Variants in DIPK2A observed in about 807,000 individuals in gnomAD.
DIPK2A encodes the protein divergent protein kinase domain 2A.
DIPK2A carries 27 observed loss-of-function variants against 39.0 expected under a neutral mutation model. The observed-to-expected ratio is 0.69, with a 90% CI of 0.51 to 0.96. The LOEUF (loss-of-function observed/expected upper bound fraction) is 0.96. DIPK2A is among the 40% of genes least tolerant of loss of function. The pLI is 0.00. For missense variants in DIPK2A, 528 were observed against 571.3 expected (o/e 0.92, Z 0.77); for synonymous variants, 298 against 240.8 (o/e 1.24, Z -2.20).
Position 143,991,697 on chromosome 3 carries a change from T to C in DIPK2A, c.*1856T>C, listed in dbSNP as rs909944304. The C allele has an allele frequency of 6.6e-6, 1 of 152,548 alleles. No individual in the cohort carries two copies. Among genetic ancestry groups the C allele is most frequent in the Non-Finnish European group, 1.5e-5 (1 of 68,014 alleles). The allele number at this position is 152,548 out of a possible 1,614,324, so 9.4% of individuals were successfully genotyped here. On this transcript the variant is annotated 3_prime_UTR_variant, in exon 3 of 3. Coordinates refer to ENST00000315691, the MANE Select transcript of DIPK2A (RefSeq NM_173552.5). ...GTGCTTGGAATTTTACTAAACTGACTTTTTTGCAACTTTGGGAGATTTTTG... is the reference window on the plus strand; with the variant it reads ...GTGCTTGGAATTTTACTAAACTGACCTTTTTGCAACTTTGGGAGATTTTTG...
rs2087648594 is a variant in DIPK2A, at chr3:143,971,854, G to C, written c.-479G>C. 6.5e-6 allele frequency: 1 copy of C among 154,670 alleles called. No homozygotes were observed. The highest frequency in any genetic ancestry group is 2.1e-4 in the South Asian group (1 of 4,860). 9.6% of individuals were successfully genotyped at this position (154,670 alleles called of 1,614,324 possible). A position where few individuals can be genotyped will look rare whatever the true frequency, so the allele number is the denominator to read the frequency against. On this transcript the variant is annotated 5_prime_UTR_variant, in exon 1 of 3. Transcript: ENST00000315691. ...AAGGGTGTGCGGCTCTGAGACGTGC[G>C]TTGCTGCTTGTGGGTGTGAGACATC...
Position 143,990,277 on chromosome 3 carries a change from T to G in DIPK2A, c.*436T>G, listed in dbSNP as rs1287203098. The G allele has an allele frequency of 6.5e-6, 1 of 154,004 alleles. No individual in the cohort carries two copies. Among genetic ancestry groups the G allele is most frequent in the African/African-American group, 2.4e-5 (1 of 41,472 alleles). 9.5% of individuals were successfully genotyped at this position (154,004 alleles called of 1,614,324 possible). A position where few individuals can be genotyped will look rare whatever the true frequency, so the allele number is the denominator to read the frequency against. On this transcript the variant is annotated 3_prime_UTR_variant, in exon 3 of 3. Transcript: ENST00000315691. The stretch of plus-strand genomic sequence containing the variant: ...TGTTTTATAGGCCGCTTTTTCCTTC[T>G]GATGTGTAGGGTTTTTTCCCCCTTT...
intron 2 of DIPK2A, among the ~76,000 whole-genome samples, chr3:143,988,688 T>C (rs2087941220): frequency 6.6e-6 from 1 of 152,244 alleles, no homozygotes; most frequent in Non-Finnish European, 1.5e-5. Flanking sequence ...GTTGTACATA[T>C]GACATGCCCA....
intron 1 of DIPK2A, chr3:143,973,370 C>A: frequency 1.3e-6 from 2 of 1,546,820 alleles, no homozygotes; most frequent in Non-Finnish European, 1.7e-6. Context: ...AGACTGTTCA[C>A]GAGCCCTTGG....
intron 1 of DIPK2A, among the ~76,000 whole-genome samples, chr3:143,978,675 T>TCTATATATATATATATAG (rs2087782897): frequency 2.0e-5 from 1 of 49,202 alleles, no homozygotes; most frequent in African/African-American, 1.2e-4. Context: ...TATAGATATA[T>TCTATATATATATATATAG]ATATATCTAT....
At chr3:143,975,912 A>C (rs2087721918) in intron 1 of DIPK2A, among the ~76,000 whole-genome samples, 1 of 152,126 alleles carries the variant, frequency 6.6e-6, no homozygotes, top group African/African-American at 2.4e-5. Flanking sequence ...GCATGCTTCA[A>C]AATAAGCATG....
In DIPK2A at chr3:143,989,814, A is replaced by G; in HGVS notation, c.1266A>G (p.Leu422=). Residue 422 remains leucine (L), a synonymous_variant, in exon 3 of 3, where the codon CTA becomes CTG. Transcript: ENST00000315691. ...CTGCAAAAGAACTGCGTGAATACCT[A>G]GCACAATTAAGTAACAACGTGAGGT... is the stretch of plus-strand genomic sequence containing the variant. ...FQAAKELREY[L]AQLSNNVR The G allele has an allele frequency of 6.2e-7, 1 of 1,613,488 alleles. No homozygotes were observed. The highest frequency in any genetic ancestry group is 1.1e-5 in the South Asian group (1 of 91,084).
At position 143,978,656 on chromosome 3, in the gene DIPK2A, ATATCTATATATAGATATATATATATC is replaced by A. The variant is rs1559854246; in HGVS notation, c.657+5671_657+5696del. ...TATATATATCTATATATATATATATATATCTATATATAGATATATATATATCTATATATATATATATATATACTGTC... is the reference window on the plus strand; with the variant it reads ...TATATATATCTATATATATATATATATATATATATATATATATATACTGTC... On this transcript the variant is annotated intron_variant, in intron 1 of 2. Coordinates refer to ENST00000315691, the MANE Select transcript of DIPK2A (RefSeq NM_173552.5). The A allele has an allele frequency of 1.4e-3, 91 of 65,638 alleles. 1 individual carries two copies. Among genetic ancestry groups the A allele is most frequent in the African/African-American group, 2.8e-3 (39 of 14,058 alleles). 4.1% of individuals were successfully genotyped at this position (65,638 alleles called of 1,614,324 possible).
chr3:143,983,291 G>A (rs958492322), intron 1 of DIPK2A, among the ~76,000 whole-genome samples: 1 of 151,948 alleles, frequency 6.6e-6, no homozygotes, highest in Non-Finnish European at 1.5e-5. Context: ...GCATCATATT[G>A]CACTTATTCT....
intron 1 of DIPK2A, among the ~76,000 whole-genome samples, chr3:143,978,684 A>ATATATATATATATATC (rs2087783899): frequency 9.0e-6 from 1 of 111,188 alleles, no homozygotes; most frequent in Non-Finnish European, 1.7e-5. Context: ...ATATATATCT[A>ATATATATATATATATC]TATATATATA....
chr3:143,974,939 T>G (rs753239463), intron 1 of DIPK2A, among the ~76,000 whole-genome samples: 14 of 152,180 alleles, frequency 9.2e-5, no homozygotes, highest in Non-Finnish European at 4.4e-5. Flanking sequence ...GTTGAGATAG[T>G]CAAGTGTGCG....
chr3:143,973,690 C>T, intron 1 of DIPK2A: 1 of 680,100 alleles, frequency 1.5e-6, no homozygotes, highest in East Asian at 2.7e-5. Context: ...ATCCTGTGAC[C>T]TGCCCTATTC....
chr3:143,989,552 A>G lies in DIPK2A; in HGVS notation c.1004A>G (p.Asp335Gly), dbSNP rs770600394. The change falls in exon 3 of 3, where the codon GAT (aspartate) becomes GGT (glycine). Residue 335 changes from aspartate to glycine, a missense_variant. Coordinates refer to ENST00000315691, the MANE Select transcript of DIPK2A (RefSeq NM_173552.5). ...GATGTATGGTATGAAAGCAAGTTTG[A>G]TGACTGTGATAAGGAGGCTTGCTTA... ...NWDVWYESKF[D>G]DCDKEACLSF... 6.2e-7 allele frequency: 1 copy of G among 1,614,132 alleles called. No individual in the cohort carries two copies. Among genetic ancestry groups the G allele is most frequent in the Admixed American group, 1.7e-5 (1 of 60,016 alleles).
intron 1 of DIPK2A, chr3:143,978,598 CTATCTATATATA>C (rs1559853975): frequency 2.5e-3 from 140 of 55,562 alleles, no homozygotes; most frequent in African/African-American, 0.025. Context: ...ATCTATCTAT[CTATCTATATATA>C]TATATCTATA....
At chr3:143,983,031 A>C in intron 1 of DIPK2A, among the ~76,000 whole-genome samples, 1 of 152,208 alleles carries the variant, frequency 6.6e-6, no homozygotes, top group East Asian at 1.9e-4. Flanking sequence ...AGAAGAGCTA[A>C]CTATATATAC....
rs2087662925 is a variant in DIPK2A at position 143,972,365 on chromosome 3, C to G, written c.33C>G (p.Arg11=). The change falls in exon 1 of 3, where the codon CGC becomes CGG. Residue 11 remains arginine (R), a synonymous_variant. Transcript: ENST00000315691. ...GCCTGGTGCCCCCGAAGCTGGGCCG[C>G]CTGTCCCGCTCGCTGAAGCTGGCGG... is the stretch of plus-strand genomic sequence containing the variant. MWRLVPPKLG[R]LSRSLKLAAL... is the part of the protein sequence containing the mutation. 7.1e-7 allele frequency: 1 copy of G among 1,400,702 alleles called. No homozygotes were observed. The highest frequency in any genetic ancestry group is 1.5e-5 in the African/African-American group (1 of 65,946). 86.8% of individuals were successfully genotyped at this position (1,400,702 alleles called of 1,614,324 possible).
At chr3:143,973,881 A>C (rs2087693449) in intron 1 of DIPK2A, among the ~76,000 whole-genome samples, 1 of 152,320 alleles carries the variant, frequency 6.6e-6, no homozygotes, top group East Asian at 1.9e-4. Context: ...AACAAAAAAC[A>C]AAAACACTGT....
At position 143,972,640 on chromosome 3, in the gene DIPK2A, G is replaced by A. The variant is rs1402146130; in HGVS notation, c.308G>A (p.Gly103Asp). 1 of 1,611,212 alleles carries A rather than the reference G, an allele frequency of 6.2e-7. No individual in the cohort carries two copies. The highest frequency in any genetic ancestry group is 2.2e-5 in the East Asian group (1 of 44,826). ...CAGTACGGCGAGCCCCGCGAGGGCGGCCGCCGCCGAGTGGTGCTCAAGCGC... is the reference window on the plus strand; with the variant it reads ...CAGTACGGCGAGCCCCGCGAGGGCGACCGCCGCCGAGTGGTGCTCAAGCGC... ...FAQYGEPREG[G>D]RRRVVLKRLG... Residue 103 changes from glycine to aspartate, a missense_variant, in exon 1 of 3, where the codon GGC becomes GAC. Gly to Asp is a moderately conservative substitution (Grantham distance 94, BLOSUM62 -1). This residue lies in a region of DIPK2A where 309 missense variants were observed against 289.8 expected (regional missense o/e 1.07). Transcript: ENST00000315691.
chr3:143,973,315 C>G (rs1035213743), intron 1 of DIPK2A: 23 of 1,535,482 alleles, frequency 1.5e-5, no homozygotes, highest in Admixed American at 2.0e-5. Context: ...GCTCTCTACC[C>G]TGCCTTTCTG....
Sources: allele counts gnomAD v4.1 joint callset (sites outside exome capture counted in the v4.1 genomes callset), GRCh38; gene constraint gnomAD v4.1.1; regional missense constraint gnomAD v4.1.1; transcripts MANE v1.5; gene names NCBI Gene and HGNC (gene_info 2026-07-23, HGNC 2026-07-21).